NDUFS2: variants seen among roughly 807,000 people sequenced by gnomAD.
NDUFS2 encodes the protein NADH dehydrogenase [ubiquinone] iron-sulfur protein 2, mitochondrial.
A neutral mutation model predicts 69.6 loss-of-function variants in NDUFS2; 38 were observed. The ratio of observed to expected loss-of-function variants is 0.55; its 90% confidence interval spans 0.42 to 0.72. The LOEUF (loss-of-function observed/expected upper bound fraction) is 0.72. Ranked by LOEUF, NDUFS2 falls within the 30% of genes least tolerant of loss-of-function variation. The pLI is 0.00. For synonymous variants in NDUFS2, 194 were observed against 211.2 expected (o/e 0.92, Z 0.70); for missense variants, 468 against 595.0 (o/e 0.79, Z 2.22).
rs956481569 is a variant in NDUFS2 at position 161,214,020 on chromosome 1, G to T, written c.1354+99G>T. The T allele has an allele frequency of 3.1e-6, 5 of 1,613,506 alleles. No homozygotes were observed. In the South Asian group the frequency reaches 4.4e-5, roughly 14 times the overall value. ...ACACTTCCTGTTCACCATAGGCCAT[G>T]GCATGGACTCGGGTCCTCAATCTTT... is the stretch of plus-strand genomic sequence containing the variant. On this transcript the variant is annotated intron_variant, in intron 13 of 13. Coordinates refer to ENST00000676972, the MANE Select transcript of NDUFS2 (RefSeq NM_001377299.1).
rs747789209 is a variant in NDUFS2, at chr1:161,209,876, G to A, written c.647G>A (p.Arg216Gln). ...ATGAAGATGTTTGAGTTCTACGAGC[G>A]AGTGTCTGGAGCCCGAATGCATGCT... The part of the protein sequence containing the change: ...EREKMFEFYE[R>Q]VSGARMHAAY... The change falls in exon 6 of 14, where the codon CGA becomes CAA. Residue 216 changes from arginine (R) to glutamine (Q), a missense_variant. This residue lies in a region of NDUFS2 where 339 missense variants were observed against 433.8 expected (regional missense o/e 0.78). Transcript: ENST00000676972. 7.4e-6 allele frequency: 12 copies of A among 1,613,964 alleles called. No homozygotes were observed. The highest frequency in any genetic ancestry group is 1.6e-4 in the Middle Eastern group (1 of 6,084).
At chr1:161,200,712 C>T (rs1384176053), upstream of NDUFS2, among the ~76,000 whole-genome samples, 2 of 152,084 alleles carry the variant, frequency 1.3e-5, no homozygotes, top group African/African-American at 2.4e-5. Flanking sequence ...CTAGAGGAGT[C>T]GGACAAAGGG....
upstream of NDUFS2, chr1:161,198,976 C>T (rs748272340): frequency 7.9e-6 from 2 of 253,230 alleles, no homozygotes; most frequent in Non-Finnish European, 1.5e-5. This position sits in a 1 kb window ranked among gnomAD's most constrained non-coding sequence, Gnocchi z 4.7. Context: ...CCTTCTTCCG[C>T]TGTGCCTTTG....
chr1:161,198,555 G>C (rs1388413293), upstream of NDUFS2: 6 of 1,562,672 alleles, frequency 3.8e-6, no homozygotes, highest in African/African-American at 8.1e-5. The surrounding 1 kb of genome is among the most constrained non-coding windows in gnomAD (Gnocchi z 4.7). Context: ...ATGGGGAGCA[G>C]GAGGCAGGGT....
chr1:161,210,439 A>C (rs1665709211), intron 8 of NDUFS2, 50 bp downstream of exon 8: 3 of 1,600,422 alleles, frequency 1.9e-6, no homozygotes, highest in Middle Eastern at 1.7e-4. Flanking sequence ...GGAGTGGGGG[A>C]GTTCCAGCCT....
chr1:161,210,729 C>T lies in NDUFS2; in HGVS notation c.986+19C>T, dbSNP rs761902405. On this transcript the variant is annotated intron_variant, in intron 9 of 13. Transcript: ENST00000676972. The stretch of plus-strand genomic sequence containing the variant: ...ATGATAGGTAAGGCCCCAATCCTTT[C>T]TTGGCTGATATTCCAGCTAGTTTCC... 1 of 1,613,928 alleles carries T rather than the reference C, an allele frequency of 6.2e-7. No homozygotes were observed. The highest frequency in any genetic ancestry group is 1.1e-5 in the South Asian group (1 of 91,014).
chr1:161,210,764 C>T, intron 9 of NDUFS2, 54 bp downstream of exon 9: 1 of 1,612,684 alleles, frequency 6.2e-7, no homozygotes, highest in Non-Finnish European at 8.5e-7. Flanking sequence ...CCCTGCCTCA[C>T]TCTTCTCTTT....
Position 161,209,551 on chromosome 1 carries a change from G to T in NDUFS2, c.583G>T (p.Gly195Trp), listed in dbSNP as rs1665656598. 6.2e-7 allele frequency: 1 copy of T among 1,613,304 alleles called. No individual in the cohort carries two copies. The highest frequency in any genetic ancestry group is 8.5e-7 in the Non-Finnish European group (1 of 1,180,004). ...TGTGACCACACATGCCCTGGACCTT[G>T]GGGCCATGACCCCTTTCTTCTGGCT... The part of the protein sequence containing the change: ...MAVTTHALDL[G>W]AMTPFFWLFE... The change falls in exon 5 of 14, where the codon GGG (glycine) becomes TGG (tryptophan). Residue 195 changes from glycine (G) to tryptophan (W), a missense_variant. Physicochemically the swap from Gly to Trp is radical, Grantham distance 184. Coordinates refer to ENST00000676972, the MANE Select transcript of NDUFS2 (RefSeq NM_001377299.1).
At chr1:161,198,308 A>T, upstream of NDUFS2, 1 of 1,613,498 alleles carries the variant, frequency 6.2e-7, no homozygotes, top group Non-Finnish European at 8.5e-7. The surrounding 1 kb of genome is among the most constrained non-coding windows in gnomAD (Gnocchi z 4.7). Context: ...CTGCACTGTC[A>T]GCCCCTCGAC....
At chr1:161,197,881 G>A (rs1329608881), upstream of NDUFS2, 6 of 1,445,902 alleles carry the variant, frequency 4.1e-6, no homozygotes, top group African/African-American at 2.8e-5. Flanking sequence ...GCAGGCAGAA[G>A]GGAGGGAAGC....
chr1:161,203,474 C>T lies in NDUFS2; in HGVS notation c.133C>T (p.Gln45Ter), dbSNP rs1248948156. Residue 45 changes from glutamine (Q) to a stop codon, truncating the protein, a stop_gained, in exon 2 of 14, where the codon CAG (glutamine) becomes TAG (stop). Coordinates refer to ENST00000676972, the MANE Select transcript of NDUFS2 (RefSeq NM_001377299.1). LOFTEE classifies it high-confidence loss of function. ...RQWQPDVEWA[Q>*]QFGGAVMYPS... Reference sequence around the variant, plus strand: ...GTGGCAGCCAGATGTGGAATGGGCACAGCAGTTTGGGGGAGCTGTTATGTA... The same window carrying T: ...GTGGCAGCCAGATGTGGAATGGGCATAGCAGTTTGGGGGAGCTGTTATGTA... 1 of 1,614,118 alleles carries T rather than the reference C, an allele frequency of 6.2e-7. No homozygotes were observed.
rs1020263610 is a variant in NDUFS2 at position 161,209,375 on chromosome 1, C to T, written c.514+62C>T. On this transcript the variant is annotated intron_variant, in intron 4 of 13. Coordinates refer to ENST00000676972, the MANE Select transcript of NDUFS2 (RefSeq NM_001377299.1). The stretch of plus-strand genomic sequence containing the variant: ...GCATAGCATAGTGCCTTTTCCACCA[C>T]TTCCCCGTTGAACCCAAGCTTAGTG... The T allele has an allele frequency of 1.9e-6, 3 of 1,613,222 alleles. No homozygotes were observed. In the Admixed American group the frequency reaches 5.0e-5, roughly 27 times the overall value.
chr1:161,208,897 A>G (rs563239381), intron 3 of NDUFS2, among the ~76,000 whole-genome samples: 1 of 152,362 alleles, frequency 6.6e-6, no homozygotes, highest in African/African-American at 2.4e-5. Flanking sequence ...CCAATGCTGC[A>G]TTCAGTTACA....
chr1:161,205,818 G>A (rs552168462), intron 2 of NDUFS2, among the ~76,000 whole-genome samples: 39 of 152,078 alleles, frequency 2.6e-4, no homozygotes, highest in African/African-American at 8.4e-4. Flanking sequence ...CATTTAGTGC[G>A]AGTAAGCATT....
intron 2 of NDUFS2, among the ~76,000 whole-genome samples, chr1:161,204,391 TC>T (rs1195554262): frequency 6.6e-6 from 1 of 152,238 alleles, no homozygotes; most frequent in Non-Finnish European, 1.5e-5. Flanking sequence ...GTAGATACTT[TC>T]GTAATGTCTC....
In NDUFS2 at chr1:161,214,120, A is replaced by G. The variant is rs748464085; in HGVS notation, c.1355-36A>G. On this transcript the variant is annotated intron_variant, in intron 13 of 13. Transcript: ENST00000676972. ...TGTTTTGCCTCACAACAGGAAGATA[A>G]GTAACATCACTTTTTTCCTCCATCC... 5 of 1,614,046 alleles carry G rather than the reference A, an allele frequency of 3.1e-6. No homozygotes were observed. The East Asian group carries it at 8.9e-5, about 29-fold the overall frequency.
At chr1:161,198,810 G>T, upstream of NDUFS2, 1 of 573,128 alleles carries the variant, frequency 1.7e-6, no homozygotes, top group Non-Finnish European at 3.0e-6. The surrounding 1 kb of genome is among the most constrained non-coding windows in gnomAD (Gnocchi z 4.7). Context: ...CCTTGGGCTT[G>T]GGAGAGGTGC....
Position 161,209,236 on chromosome 1 carries a change from G to C in NDUFS2, c.437G>C (p.Cys146Ser). 2 of 1,614,148 alleles carry C rather than the reference G, an allele frequency of 1.2e-6. No individual in the cohort carries two copies. Among genetic ancestry groups the C allele is most frequent in the Admixed American group, 1.7e-5 (1 of 60,016 alleles). The change falls in exon 4 of 14, where the codon TGT (cysteine) becomes TCT (serine). Residue 146 changes from cysteine to serine, a missense_variant. Coordinates refer to ENST00000676972, the MANE Select transcript of NDUFS2 (RefSeq NM_001377299.1). Reference sequence around the variant, plus strand: ...CGGCTAGACTATGTGTCCATGATGTGTAACGAACAGGCCTATTCTCTAGCT... The same window carrying C: ...CGGCTAGACTATGTGTCCATGATGTCTAACGAACAGGCCTATTCTCTAGCT... ...FDRLDYVSMM[C>S]NEQAYSLAVE...
At chr1:161,203,739 G>A in intron 2 of NDUFS2, 196 bp downstream of exon 2, 1 of 620,698 alleles carries the variant, frequency 1.6e-6, no homozygotes, top group Non-Finnish European at 2.9e-6. Context: ...CGCAACAACA[G>A]GCCTGTGCCA....
Sources: gnomAD v4.1 joint callset for allele counts (sites outside exome capture counted in the v4.1 genomes callset) on GRCh38, gnomAD v4.1.1 for gene constraint, gnomAD v4.1.1 regional missense constraint, Gnocchi (gnomAD v3.1) non-coding constraint, MANE v1.5 for transcripts, NCBI Gene and HGNC (gene_info 2026-07-23, HGNC 2026-07-21) for gene names.